Variants in TEAD4 observed in about 807,000 individuals in gnomAD.
TEAD4 encodes the protein transcriptional enhancer factor TEF-3.
In TEAD4, 36 loss-of-function variants were observed where a neutral mutation model predicts 52.4. The ratio of observed to expected loss-of-function variants is 0.69; its 90% CI spans 0.53 to 0.91. The LOEUF is 0.91. Among genes scored for constraint, TEAD4 ranks in the 40% least tolerant of loss-of-function variants. TEAD4 has a pLI of 0.00. For synonymous variants in TEAD4, 220 were observed against 231.0 expected, an observed-to-expected ratio of 0.95 and a Z score of 0.43; for missense variants, 508 against 583.9, an observed-to-expected ratio of 0.87 and a Z score of 1.34.
chr12:2,990,542 C>G (rs1269137215), intron 2 of TEAD4, among the ~76,000 whole-genome samples: 2 of 130,868 alleles, frequency 1.5e-5, no homozygotes, highest in Admixed American at 1.8e-4. Flanking sequence ...TCTCAGCTCA[C>G]TGCAACTCTG....
At chr12:3,013,822 T>C (rs2098262315) in intron 5 of TEAD4, among the ~76,000 whole-genome samples, 1 of 152,218 alleles carries the variant, frequency 6.6e-6, no homozygotes, top group Non-Finnish European at 1.5e-5. Context: ...TGCGGTGGGC[T>C]GTGATTGCAC....
chr12:2,996,581 T>C (rs2098247388), intron 3 of TEAD4, among the ~76,000 whole-genome samples: 1 of 152,142 alleles, frequency 6.6e-6, no homozygotes, highest in Non-Finnish European at 1.5e-5. Flanking sequence ...TGGCTAATTT[T>C]GTATTTTTAG....
At chr12:3,010,058 C>G (rs75400601) in intron 3 of TEAD4, among the ~76,000 whole-genome samples, 2 of 152,192 alleles carry the variant, frequency 1.3e-5, no homozygotes, top group African/African-American at 2.4e-5. Flanking sequence ...CTGATCCCCC[C>G]ACTCAAACCC....
At chr12:2,967,763 G>A (rs2098221608) in intron 2 of TEAD4, among the ~76,000 whole-genome samples, 1 of 152,128 alleles carries the variant, frequency 6.6e-6, no homozygotes, top group African/African-American at 2.4e-5. Flanking sequence ...AGAAAGGTTT[G>A]GTTTGTTTTT....
chr12:3,035,126 A>C (rs1464482342), intron 10 of TEAD4, among the ~76,000 whole-genome samples: 4 of 152,148 alleles, frequency 2.6e-5, no homozygotes, highest in Non-Finnish European at 5.9e-5. Flanking sequence ...AAAAATAGTT[A>C]TATAGTTATT....
At chr12:3,000,449 G>A (rs1490453864) in intron 3 of TEAD4, among the ~76,000 whole-genome samples, 1 of 152,150 alleles carries the variant, frequency 6.6e-6, no homozygotes, top group Non-Finnish European at 1.5e-5. Flanking sequence ...GGGGCCGAGT[G>A]TGCTTGTTCA....
chr12:3,032,479 G>A (rs997096927), intron 10 of TEAD4, among the ~76,000 whole-genome samples: 4 of 152,184 alleles, frequency 2.6e-5, no homozygotes, highest in Admixed American at 6.5e-5. Flanking sequence ...GGCAGGGCAC[G>A]GTGGGCAGCA....
At chr12:2,976,424 G>T (rs2098229757) in intron 2 of TEAD4, among the ~76,000 whole-genome samples, 1 of 151,884 alleles carries the variant, frequency 6.6e-6, no homozygotes, top group South Asian at 2.1e-4. Flanking sequence ...ACTGGCTCAA[G>T]AGGCACCACG....
intron 10 of TEAD4, among the ~76,000 whole-genome samples, chr12:3,028,773 G>A (rs935086166): frequency 6.6e-6 from 1 of 152,010 alleles, no homozygotes; most frequent in Non-Finnish European, 1.5e-5. Flanking sequence ...TGGAATTACA[G>A]GCACGCACCA....
At chr12:2,966,635 A>T (rs1476731874) in intron 2 of TEAD4, among the ~76,000 whole-genome samples, 2 of 148,452 alleles carry the variant, frequency 1.3e-5, no homozygotes, top group African/African-American at 2.5e-5. Flanking sequence ...CTGGTTTCGA[A>T]CTCCTGACCT....
chr12:2,962,325 TAAATATAA>T (rs1565518196), intron 2 of TEAD4, among the ~76,000 whole-genome samples: 27 of 96,538 alleles, frequency 2.8e-4, no homozygotes, highest in African/African-American at 1.3e-3. Flanking sequence ...AATATATATA[TAAATATAA>T]ATATATATAT....
intron 2 of TEAD4, among the ~76,000 whole-genome samples, chr12:2,970,910 G>A (rs1337737179): frequency 6.6e-6 from 1 of 152,228 alleles, no homozygotes; most frequent in Non-Finnish European, 1.5e-5. Context: ...GGAGGTTGAA[G>A]CAATAGTTGC....
chr12:2,979,151 G>A (rs549308224), intron 2 of TEAD4, among the ~76,000 whole-genome samples: 13 of 152,116 alleles, frequency 8.5e-5, no homozygotes, highest in Non-Finnish European at 1.6e-4. Context: ...CCCGACCTCA[G>A]GTGATCTGCC....
At chr12:2,965,619 T>C (rs1262413112) in intron 2 of TEAD4, among the ~76,000 whole-genome samples, 5 of 152,216 alleles carry the variant, frequency 3.3e-5, no homozygotes, top group African/African-American at 9.6e-5. Context: ...TGGGGTGATC[T>C]TGGCTCACTG....
chr12:2,984,584 G>A (rs1305871006), intron 2 of TEAD4, among the ~76,000 whole-genome samples: 1 of 152,148 alleles, frequency 6.6e-6, no homozygotes, highest in African/African-American at 2.4e-5. Context: ...TCATCCTTGT[G>A]CAACCATAAT....
chr12:2,971,576 T>C (rs756409856), intron 2 of TEAD4, among the ~76,000 whole-genome samples: 79 of 139,570 alleles, frequency 5.7e-4, no homozygotes, highest in East Asian at 9.2e-4. Context: ...CCCGGGTTCA[T>C]GCCATTCTCC....
intron 3 of TEAD4, among the ~76,000 whole-genome samples, chr12:3,001,580 G>A (rs1372208914): frequency 6.6e-6 from 1 of 151,308 alleles, no homozygotes; most frequent in Non-Finnish European, 1.5e-5. Flanking sequence ...GACCAGCCTG[G>A]CCAACATGGT....
At chr12:3,009,549 A>T (rs944886099) in intron 3 of TEAD4, among the ~76,000 whole-genome samples, 2 of 152,254 alleles carry the variant, frequency 1.3e-5, no homozygotes, top group East Asian at 3.8e-4. Context: ...AGCCTGGCTC[A>T]CCAGCTCCCA....
At chr12:2,974,622 C>A (rs561818237) in intron 2 of TEAD4, among the ~76,000 whole-genome samples, 1 of 152,326 alleles carries the variant, frequency 6.6e-6, no homozygotes, top group Non-Finnish European at 1.5e-5. Context: ...GCCCCACTGC[C>A]TCCAGGATGT....
Sources: gnomAD v4.1 joint callset for allele counts (sites outside exome capture counted in the v4.1 genomes callset) on GRCh38, gnomAD v4.1.1 for gene constraint, MANE v1.5 for transcripts, NCBI Gene and HGNC (gene_info 2026-07-23, HGNC 2026-07-21) for gene names.